RAB38: variants seen among roughly 807,000 people sequenced by gnomAD.
The protein encoded by RAB38 is RAB38, member RAS oncogene family.
A neutral mutation model predicts 18.4 loss-of-function variants in RAB38; 15 were observed. That is an observed-to-expected ratio of 0.82 (90% CI 0.55 to 1.26). The LOEUF (loss-of-function observed/expected upper bound fraction) is 1.26, where lower values mean the gene tolerates loss of function less well. RAB38 is among the 50% of genes most tolerant of loss of function. The pLI is 0.00. For synonymous variants in RAB38, 101 were observed against 104.4 expected (o/e 0.97, Z 0.20); for missense variants, 294 against 267.4 (o/e 1.10, Z -0.69).
the RAB38 span, among the ~76,000 whole-genome samples, chr11:87,838,983 A>G: frequency 6.6e-6 from 1 of 152,196 alleles, no homozygotes; most frequent in African/African-American, 2.4e-5. Context: ...AATCTAATCC[A>G]GGCTGTATCC....
the RAB38 span, among the ~76,000 whole-genome samples, chr11:88,022,200 A>G: frequency 2.0e-5 from 3 of 152,148 alleles, no homozygotes; most frequent in Admixed American, 2.0e-4. Flanking sequence ...ATGCAAATCA[A>G]TCAATGTGAT....
chr11:87,826,257 A>C, the RAB38 span, among the ~76,000 whole-genome samples: 1 of 152,166 alleles, frequency 6.6e-6, no homozygotes, highest in South Asian at 2.1e-4. Context: ...TGATAAAATG[A>C]ATTTAATGTG....
the RAB38 span, among the ~76,000 whole-genome samples, chr11:88,014,341 T>C: frequency 6.6e-6 from 1 of 152,250 alleles, no homozygotes; most frequent in South Asian, 2.1e-4. Flanking sequence ...CAACCCATCA[T>C]AGTGTCCCTT....
the RAB38 span, among the ~76,000 whole-genome samples, chr11:87,975,174 G>C: frequency 1.3e-5 from 2 of 151,826 alleles, no homozygotes; most frequent in East Asian, 1.9e-4. Flanking sequence ...GTCAGTCATA[G>C]GATTTGGGGC....
chr11:87,884,965 A>C, the RAB38 span, among the ~76,000 whole-genome samples: 1 of 152,014 alleles, frequency 6.6e-6, no homozygotes, highest in African/African-American at 2.4e-5. Flanking sequence ...TGGTTCCCAA[A>C]CCTACCTTTA....
chr11:87,816,300 GTGGGGGT>G, the RAB38 span: 1 of 152,354 alleles, frequency 6.6e-6, no homozygotes, highest in Non-Finnish European at 1.5e-5. Flanking sequence ...CCTTCTATTT[GTGGGGGT>G]CTAGTGTTAA....
chr11:88,071,169 C>T, the RAB38 span, among the ~76,000 whole-genome samples: 17 of 151,862 alleles, frequency 1.1e-4, no homozygotes, highest in African/African-American at 3.1e-4. Flanking sequence ...CACTGTGGGA[C>T]GAGCAGGATA....
chr11:87,831,086 T>A, the RAB38 span, among the ~76,000 whole-genome samples: 78,851 of 152,064 alleles, frequency 0.52, 22,226 homozygotes, highest in South Asian at 0.66. Context: ...GGACTACAGG[T>A]GTGAGCTACC....
chr11:88,119,479 A>G (rs1469635899), intron 2 of RAB38, among the ~76,000 whole-genome samples: 4 of 152,172 alleles, frequency 2.6e-5, no homozygotes, highest in African/African-American at 9.7e-5. Context: ...TTTTATTCCA[A>G]TTGTGAACTT....
chr11:88,074,681 A>G, the RAB38 span, among the ~76,000 whole-genome samples: 1 of 152,190 alleles, frequency 6.6e-6, no homozygotes, highest in Admixed American at 6.5e-5. Flanking sequence ...CAAACAACGA[A>G]ATGGCAGTAA....
the RAB38 span, among the ~76,000 whole-genome samples, chr11:87,933,078 A>T: frequency 6.6e-6 from 1 of 152,092 alleles, no homozygotes; most frequent in East Asian, 1.9e-4. Context: ...TCATCTTAGA[A>T]CAAAGATGAA....
chr11:88,106,331 A>G, the RAB38 span, among the ~76,000 whole-genome samples: 3 of 152,180 alleles, frequency 2.0e-5, no homozygotes, highest in Admixed American at 2.0e-4. Flanking sequence ...ATGAATACAA[A>G]TTTATGTTAC....
At chr11:87,880,117 C>T in the RAB38 span, 1 of 151,508 alleles carries the variant, frequency 6.6e-6, no homozygotes, top group African/African-American at 2.4e-5. Context: ...GCTTCCTATC[C>T]GTATTTTCTA....
the RAB38 span, among the ~76,000 whole-genome samples, chr11:88,043,698 G>C: frequency 7.4e-6 from 1 of 135,926 alleles, no homozygotes; most frequent in Non-Finnish European, 1.5e-5. Flanking sequence ...ATCTCCCTTT[G>C]CTGACTCTTT....
the RAB38 span, among the ~76,000 whole-genome samples, chr11:87,875,665 CAGTTTTA>C: frequency 1.3e-5 from 2 of 151,310 alleles, no homozygotes; most frequent in East Asian, 3.9e-4. Flanking sequence ...ATTTTCATTG[CAGTTTTA>C]AGTTTTAATT....
chr11:88,080,853 A>AGGAGGGAG, the RAB38 span, among the ~76,000 whole-genome samples: 5 of 135,594 alleles, frequency 3.7e-5, no homozygotes, highest in East Asian at 2.3e-4. Flanking sequence ...GAAGGAAGGA[A>AGGAGGGAG]GGAGGGAGGG....
the RAB38 span, chr11:87,918,119 C>T: frequency 2.6e-5 from 4 of 152,008 alleles, no homozygotes; most frequent in South Asian, 2.1e-4. Flanking sequence ...TTTTACACTC[C>T]GTATATAAGT....
chr11:87,828,871 T>C, the RAB38 span, among the ~76,000 whole-genome samples: 1 of 152,222 alleles, frequency 6.6e-6, no homozygotes, highest in South Asian at 2.1e-4. Flanking sequence ...TTAAACATTT[T>C]TAAAAGCTAA....
chr11:87,951,844 C>T, the RAB38 span, among the ~76,000 whole-genome samples: 1 of 152,136 alleles, frequency 6.6e-6, no homozygotes, highest in African/African-American at 2.4e-5. Context: ...ACTCGGGTGT[C>T]AGGGACCCAC....
Sources: gnomAD v4.1 joint callset for allele counts (sites outside exome capture counted in the v4.1 genomes callset) on GRCh38, gnomAD v4.1.1 for gene constraint, MANE v1.5 for transcripts, NCBI Gene and HGNC (gene_info 2026-07-23, HGNC 2026-07-21) for gene names.